Variants in MAF observed in about 807,000 individuals in gnomAD.
The protein encoded by MAF is MAF bZIP transcription factor.
MAF carries 10 observed loss-of-function variants against 22.0 expected under a neutral mutation model. That is an observed-to-expected ratio of 0.45 (90% CI 0.28 to 0.77). The LOEUF (loss-of-function observed/expected upper bound fraction) is 0.77. Among genes scored for constraint, MAF ranks in the 30% least tolerant of loss-of-function variants. The probability of loss-of-function intolerance (pLI) is 0.12; values close to 1 mark genes in which losing one functional copy is unlikely to be tolerated. For synonymous variants in MAF, 337 were observed against 255.8 expected (o/e 1.32, Z -3.03); for missense variants, 544 against 548.4 (o/e 0.99, Z 0.08).
At chr16:79,485,083 T>G in the MAF span, among the ~76,000 whole-genome samples, 4 of 152,150 alleles carry the variant, frequency 2.6e-5, no homozygotes, top group Non-Finnish European at 5.9e-5. Flanking sequence ...ACCTGATAAA[T>G]AAGTCAAAGA....
At chr16:79,226,552 TA>T in the MAF span, among the ~76,000 whole-genome samples, 1 of 152,232 alleles carries the variant, frequency 6.6e-6, no homozygotes, top group East Asian at 1.9e-4. Context: ...AAAATGTTTA[TA>T]ACCTATTAGA....
the MAF span, among the ~76,000 whole-genome samples, chr16:79,469,692 G>T: frequency 2.0e-5 from 3 of 152,186 alleles, no homozygotes; most frequent in East Asian, 5.8e-4. Context: ...TACCTCCCAG[G>T]TTCAAGTGAT....
At chr16:79,510,183 G>T in the MAF span, among the ~76,000 whole-genome samples, 2 of 152,262 alleles carry the variant, frequency 1.3e-5, no homozygotes, top group South Asian at 4.2e-4. Context: ...GTGAGTTAAA[G>T]GCAAATATAG....
the MAF span, among the ~76,000 whole-genome samples, chr16:79,556,528 T>C: frequency 6.6e-6 from 1 of 152,212 alleles, no homozygotes; most frequent in South Asian, 2.1e-4. Flanking sequence ...ATAGGACCTC[T>C]GTGTTAAAAG....
chr16:79,486,108 T>C, the MAF span, among the ~76,000 whole-genome samples: 4 of 152,150 alleles, frequency 2.6e-5, no homozygotes, highest in Non-Finnish European at 5.9e-5. Context: ...GACTCTCCAA[T>C]AACTATCGCT....
chr16:79,381,748 A>G, the MAF span, among the ~76,000 whole-genome samples: 2 of 152,160 alleles, frequency 1.3e-5, no homozygotes, highest in Non-Finnish European at 2.9e-5. Context: ...ACAGCTTGGA[A>G]GCCTGCAATC....
the MAF span, among the ~76,000 whole-genome samples, chr16:79,466,587 T>C: frequency 6.6e-6 from 1 of 152,228 alleles, no homozygotes; most frequent in Non-Finnish European, 1.5e-5. Flanking sequence ...AGCTGCATGA[T>C]GCTGTCTACA....
the MAF span, among the ~76,000 whole-genome samples, chr16:79,381,994 T>C: frequency 6.6e-6 from 1 of 152,192 alleles, no homozygotes; most frequent in Non-Finnish European, 1.5e-5. Context: ...GGGTACCATT[T>C]ATCACTTAGA....
the MAF span, among the ~76,000 whole-genome samples, chr16:79,449,178 C>A: frequency 1.3e-3 from 193 of 152,286 alleles, no homozygotes; most frequent in African/African-American, 4.4e-3. Flanking sequence ...TGCCACCGAT[C>A]TGACAGGAGG....
chr16:79,342,586 C>CCATT, the MAF span, among the ~76,000 whole-genome samples: 1 of 151,976 alleles, frequency 6.6e-6, no homozygotes, highest in African/African-American at 2.4e-5. Context: ...CCATCACTGT[C>CCATT]ACCATCACCA....
the MAF span, among the ~76,000 whole-genome samples, chr16:79,511,054 C>T: frequency 6.6e-6 from 1 of 152,008 alleles, no homozygotes; most frequent in Admixed American, 6.6e-5. Flanking sequence ...AGCTGGGAGG[C>T]CAGAAAGCAG....
chr16:79,247,298 G>A, the MAF span, among the ~76,000 whole-genome samples: 2 of 152,210 alleles, frequency 1.3e-5, no homozygotes, highest in Non-Finnish European at 2.9e-5. Context: ...GAAATTACTG[G>A]CATGTCAATG....
the MAF span, among the ~76,000 whole-genome samples, chr16:79,221,239 G>A: frequency 1.3e-5 from 2 of 152,170 alleles, no homozygotes; most frequent in Admixed American, 6.5e-5. Flanking sequence ...TAGATTTGAA[G>A]GACTTTATGA....
At chr16:79,582,136 T>G (rs1042304757), downstream of MAF, among the ~76,000 whole-genome samples, 1 of 152,190 alleles carries the variant, frequency 6.6e-6, no homozygotes, top group African/African-American at 2.4e-5. Flanking sequence ...AGCTCATTTA[T>G]TGCTGATAAT....
At chr16:79,555,009 T>C in the MAF span, among the ~76,000 whole-genome samples, 1 of 152,006 alleles carries the variant, frequency 6.6e-6, no homozygotes, top group African/African-American at 2.4e-5. Context: ...GAAGAACTGG[T>C]GGGAAGAACT....
At chr16:79,304,431 G>A in the MAF span, among the ~76,000 whole-genome samples, 1 of 152,174 alleles carries the variant, frequency 6.6e-6, no homozygotes, top group Non-Finnish European at 1.5e-5. Context: ...TCCCATTCCA[G>A]AGTCTTTTTT....
the MAF span, among the ~76,000 whole-genome samples, chr16:79,325,570 G>C: frequency 6.7e-6 from 1 of 150,006 alleles, no homozygotes; most frequent in African/African-American, 2.5e-5. Flanking sequence ...CACACACACA[G>C]ATGCCCACAC....
At chr16:79,286,657 C>T in the MAF span, among the ~76,000 whole-genome samples, 4 of 152,320 alleles carry the variant, frequency 2.6e-5, no homozygotes, top group African/African-American at 9.6e-5. Context: ...ACTGGTGCCT[C>T]ACATAGATAC....
At chr16:79,323,454 T>A in the MAF span, among the ~76,000 whole-genome samples, 1 of 152,186 alleles carries the variant, frequency 6.6e-6, no homozygotes, top group African/African-American at 2.4e-5. Context: ...CCGATGCAAC[T>A]TTTTACAGAC....
Sources: allele counts gnomAD v4.1 joint callset (sites outside exome capture counted in the v4.1 genomes callset), GRCh38; gene constraint gnomAD v4.1.1; transcripts MANE v1.5; gene names NCBI Gene and HGNC (gene_info 2026-07-23, HGNC 2026-07-21).